The following PAK5 variants were observed in gnomAD, a reference collection of about 807,000 sequenced individuals.
The protein encoded by PAK5 is serine/threonine-protein kinase PAK 5.
PAK5 carries 16 observed loss-of-function variants against 65.9 expected under a neutral mutation model. The observed-to-expected ratio is 0.24, with a 90% CI of 0.16 to 0.37. The LOEUF (loss-of-function observed/expected upper bound fraction) is 0.37, where lower values mean the gene tolerates loss of function less well. Among genes scored for constraint, PAK5 ranks in the 10% least tolerant of loss-of-function variants. The probability of loss-of-function intolerance (pLI) is 1.00; values close to 1 mark genes in which losing one functional copy is unlikely to be tolerated. For missense variants in PAK5, 785 were observed against 903.9 expected (o/e 0.87, Z 1.69); for synonymous variants, 371 against 354.9 (o/e 1.05, Z -0.51).
intron 1 of PAK5, among the ~76,000 whole-genome samples, chr20:9,729,781 GT>G (rs1483417588): frequency 1.2e-5 from 1 of 81,264 alleles, no homozygotes; most frequent in Non-Finnish European, 2.7e-5. Context: ...GCTGTGTTTT[GT>G]TTTTTTGTTT....
At chr20:9,787,833 G>A (rs2049009258) in intron 1 of PAK5, among the ~76,000 whole-genome samples, 1 of 152,012 alleles carries the variant, frequency 6.6e-6, no homozygotes, top group Non-Finnish European at 1.5e-5. Context: ...ACAGATAATA[G>A]TAAAATGCAG....
intron 1 of PAK5, 150 bp from the exon 2 acceptor site, chr20:9,711,585 C>A (rs370965876): frequency 2.0e-5 from 3 of 152,140 alleles, no homozygotes; most frequent in Non-Finnish European, 4.4e-5. Context: ...CATGCAGCTA[C>A]GGATCTGTAT....
intron 7 of PAK5, among the ~76,000 whole-genome samples, chr20:9,552,132 T>C (rs2045438132): frequency 6.6e-6 from 1 of 152,214 alleles, no homozygotes; most frequent in Non-Finnish European, 1.5e-5. Context: ...GAATCTGACA[T>C]TTTATATGAC....
intron 3 of PAK5, among the ~76,000 whole-genome samples, chr20:9,609,870 A>G (rs909984957): frequency 9.2e-5 from 14 of 152,342 alleles, no homozygotes; most frequent in Non-Finnish European, 1.3e-4. Context: ...AAATCCAGAC[A>G]GGACAGATGG....
At position 9,580,710 on chromosome 20, in the gene PAK5, G is replaced by A. The variant is rs929758445; in HGVS notation, c.425C>T (p.Thr142Met). Residue 142 changes from threonine (T) to methionine (M), a missense_variant, in exon 4 of 10, where the codon ACG (threonine) becomes ATG (methionine). Physicochemically the swap from Thr to Met is moderately conservative, Grantham distance 81. Around this residue, in one of 4 missense-constraint regions of PAK5, gnomAD observed 422 missense variants for 413.3 expected, o/e 1.02. Coordinates refer to ENST00000353224, the MANE Select transcript of PAK5 (RefSeq NM_177990.4). Reference sequence around the variant, plus strand: ...ACTCTTCTCCCTGTACTTTTCGGTCGTGTAGTCAGCAGTAGTATCGGATTC... The same window carrying A: ...ACTCTTCTCCCTGTACTTTTCGGTCATGTAGTCAGCAGTAGTATCGGATTC... ...SSESDTTADYTTEKYREKSLY... is the reference protein window; with the variant it reads ...SSESDTTADYMTEKYREKSLY... 1 of 1,613,892 alleles carries A rather than the reference G, an allele frequency of 6.2e-7. No homozygotes were observed. Among genetic ancestry groups the A allele is most frequent in the South Asian group, 1.1e-5 (1 of 91,060 alleles).
chr20:9,766,444 ATG>A (rs201658970), intron 1 of PAK5, among the ~76,000 whole-genome samples: 43 of 26,834 alleles, frequency 1.6e-3, no homozygotes, highest in South Asian at 2.5e-3. Flanking sequence ...CAGAATATAT[ATG>A]TATATATATA....
intron 2 of PAK5, among the ~76,000 whole-genome samples, chr20:9,680,904 T>C (rs947304750): frequency 6.6e-6 from 1 of 152,222 alleles, no homozygotes; most frequent in Non-Finnish European, 1.5e-5. Flanking sequence ...ATTCTGCAAT[T>C]GTTAGGTGCG....
chr20:9,814,849 G>A (rs1478456176), intron 1 of PAK5, among the ~76,000 whole-genome samples: 2 of 152,136 alleles, frequency 1.3e-5, no homozygotes, highest in Admixed American at 1.3e-4. Flanking sequence ...CTAGCCATAT[G>A]TCTTAGTCTG....
intron 1 of PAK5, among the ~76,000 whole-genome samples, chr20:9,740,258 A>G (rs546771573): frequency 3.3e-5 from 5 of 152,278 alleles, no homozygotes; most frequent in African/African-American, 1.2e-4. Flanking sequence ...GCCTGGCAGC[A>G]ATGTGAAGGC....
rs530227004 is a variant in PAK5, at chr20:9,776,521, T to C, written c.-162+62241A>G. On this transcript the variant is annotated intron_variant, in intron 1 of 9. Coordinates refer to ENST00000353224, the MANE Select transcript of PAK5 (RefSeq NM_177990.4). ...CCCTCCTCCTAGGTGTGAACTGGAC[T>C]TAGTGACTTGTTGGTTACAAACAGA... Among the ~76,000 whole-genome samples the C allele has an allele frequency of 3.3e-4, 50 of 152,326 alleles. 1 individual carries two copies. In the South Asian group the frequency reaches 6.8e-3, roughly 21 times the overall value.
intron 3 of PAK5, among the ~76,000 whole-genome samples, chr20:9,640,378 A>G (rs377528110): frequency 1.5e-4 from 23 of 152,050 alleles, no homozygotes; most frequent in African/African-American, 5.3e-4. Context: ...ATGTCCCTAC[A>G]AAGGACATGA....
intron 1 of PAK5, among the ~76,000 whole-genome samples, chr20:9,830,932 T>A (rs1440900630): frequency 6.6e-6 from 1 of 152,098 alleles, no homozygotes; most frequent in Non-Finnish European, 1.5e-5. Flanking sequence ...TTGTCTTTTT[T>A]TGGTTTGGTT....
chr20:9,734,294 T>A (rs2048365420), intron 1 of PAK5, among the ~76,000 whole-genome samples: 1 of 152,090 alleles, frequency 6.6e-6, no homozygotes, highest in Non-Finnish European at 1.5e-5. Flanking sequence ...AGGCCAAAGG[T>A]CTGTTTGGAA....
At chr20:9,583,491 C>T (rs2046015824) in intron 3 of PAK5, among the ~76,000 whole-genome samples, 1 of 152,186 alleles carries the variant, frequency 6.6e-6, no homozygotes, top group South Asian at 2.1e-4. Flanking sequence ...GCACTGTTTC[C>T]AAAGTTCCTT....
intron 5 of PAK5, among the ~76,000 whole-genome samples, chr20:9,565,432 TA>T (rs2045659541): frequency 6.6e-6 from 1 of 152,224 alleles, no homozygotes; most frequent in South Asian, 2.1e-4. Context: ...TCTACTGTTT[TA>T]AAAATTGTTT....
In PAK5 at chr20:9,561,060, A is replaced by G. The variant is rs73895907; in HGVS notation, c.1616+1831T>C. Among the ~76,000 whole-genome samples the G allele has an allele frequency of 4.1e-3, 629 of 152,350 alleles. 6 individuals are homozygous for G. Among genetic ancestry groups the G allele is most frequent in the African/African-American group, 0.014 (601 of 41,586 alleles). ...TCAGTAAAGCAGTTATTCAATATCT[A>G]TTAAAGGAAGCTCTCTGAATTCTGA... On this transcript the variant is annotated intron_variant, in intron 6 of 9. Coordinates refer to ENST00000353224, the MANE Select transcript of PAK5 (RefSeq NM_177990.4).
intron 1 of PAK5, among the ~76,000 whole-genome samples, chr20:9,746,094 T>C (rs2048504797): frequency 6.6e-6 from 1 of 152,162 alleles, no homozygotes; most frequent in Admixed American, 6.5e-5. Flanking sequence ...TCTTCTCTTA[T>C]CTGGTAATGA....
chr20:9,594,627 C>T (rs1440285516), intron 3 of PAK5, among the ~76,000 whole-genome samples: 5 of 152,064 alleles, frequency 3.3e-5, no homozygotes, highest in African/African-American at 1.2e-4. Flanking sequence ...GACAATAATC[C>T]CTGTATTGTA....
intron 2 of PAK5, among the ~76,000 whole-genome samples, chr20:9,658,487 C>T (rs996308945): frequency 6.6e-6 from 1 of 152,164 alleles, no homozygotes; most frequent in African/African-American, 2.4e-5. Flanking sequence ...ATTGGTTCCA[C>T]TAGCTTCTAT....
Sources: allele counts gnomAD v4.1 joint callset (sites outside exome capture counted in the v4.1 genomes callset), GRCh38; gene constraint gnomAD v4.1.1; regional missense constraint gnomAD v4.1.1; transcripts MANE v1.5; gene names NCBI Gene and HGNC (gene_info 2026-07-23, HGNC 2026-07-21).